RBFA: variants seen among roughly 807,000 people sequenced by gnomAD.
RBFA encodes ribosome binding factor A, also known as putative ribosome-binding factor A, mitochondrial.
A neutral mutation model predicts 27.9 loss-of-function variants in RBFA; 16 were observed. The observed-to-expected ratio is 0.57, with a 90% CI of 0.39 to 0.87. RBFA has a LOEUF of 0.87. Among genes scored for constraint, RBFA ranks in the 40% least tolerant of loss-of-function variants. The probability of loss-of-function intolerance (pLI) is 0.00; values close to 1 mark genes in which losing one functional copy is unlikely to be tolerated. For missense variants in RBFA, 456 were observed against 432.1 expected (o/e 1.06, Z -0.49); for synonymous variants, 181 against 181.0 (o/e 1.00, Z 0.00).
In RBFA at chr18:80,045,828, T is replaced by C. The variant is rs1175728266; in HGVS notation, c.705T>C (p.Ser235=). 1 of 1,535,652 alleles carries C rather than the reference T, an allele frequency of 6.5e-7. No homozygotes were observed. The highest frequency in any genetic ancestry group is 1.4e-5 in the African/African-American group (1 of 72,160). ...CCACAGAGCCGACCACAAGCTCCAGTCTGTGTGGGATCGATCATGAGGCGC... is the reference window on the plus strand; with the variant it reads ...CCACAGAGCCGACCACAAGCTCCAGCCTGTGTGGGATCGATCATGAGGCGC... ...CGTTEPTTSS[S]LCGIDHEALN... Residue 235 remains serine, a synonymous_variant, in exon 7 of 7, where the codon AGT becomes AGC. Transcript: ENST00000306735.
chr18:80,046,263 C>A lies in RBFA; in HGVS notation c.*108C>A. The A allele has an allele frequency of 1.6e-6, 2 of 1,238,126 alleles. No homozygotes were observed. Among genetic ancestry groups the A allele is most frequent in the Non-Finnish European group, 2.2e-6 (2 of 902,776 alleles). 76.7% of individuals were successfully genotyped at this position (1,238,126 alleles called of 1,614,324 possible). A position where few individuals can be genotyped will look rare whatever the true frequency, so the allele number is the denominator to read the frequency against. On this transcript the variant is annotated 3_prime_UTR_variant, in exon 7 of 7. Coordinates refer to ENST00000306735, the MANE Select transcript of RBFA (RefSeq NM_024805.3). The stretch of plus-strand genomic sequence containing the variant: ...TGGAGTTAAACCATCTGCTCTTCTG[C>A]TACTTCAACATTTTCTAGCTTTTCC...
intron 4 of RBFA, among the ~76,000 whole-genome samples, chr18:80,040,697 T>TA (rs1233254525): frequency 6.6e-6 from 1 of 152,058 alleles, no homozygotes; most frequent in Non-Finnish European, 1.5e-5. Flanking sequence ...TATATATATA[T>TA]TTTTTGTTAA....
At position 80,046,272 on chromosome 18, in the gene RBFA, C is replaced by A; in HGVS notation, c.*117C>A. ...ACCATCTGCTCTTCTGCTACTTCAA[C>A]ATTTTCTAGCTTTTCCGTGTATCTA... On this transcript the variant is annotated 3_prime_UTR_variant, in exon 7 of 7. Transcript: ENST00000306735. 8.5e-7 allele frequency: 1 copy of A among 1,175,588 alleles called. No homozygotes were observed. Among genetic ancestry groups the A allele is most frequent in the Non-Finnish European group, 1.2e-6 (1 of 847,850 alleles). 72.8% of individuals were successfully genotyped at this position (1,175,588 alleles called of 1,614,324 possible). A position where few individuals can be genotyped will look rare whatever the true frequency, so the allele number is the denominator to read the frequency against.
intron 6 of RBFA, 117 bp from the exon 7 acceptor site, chr18:80,045,657 G>T: frequency 8.2e-7 from 1 of 1,219,756 alleles, no homozygotes. Flanking sequence ...TAGACGTTTG[G>T]GAGGGTTCTC....
chr18:80,049,034 T>A lies in RBFA; in HGVS notation c.*2879T>A, dbSNP rs2052077744. ...TCAGTGCCTCCTAGAAAGAGGAGTGTGGGCACGTTTCAGAGAAAACTGGCT... is the reference window on the plus strand; with the variant it reads ...TCAGTGCCTCCTAGAAAGAGGAGTGAGGGCACGTTTCAGAGAAAACTGGCT... On this transcript the variant is annotated 3_prime_UTR_variant, in exon 7 of 7. Coordinates refer to ENST00000306735, the MANE Select transcript of RBFA (RefSeq NM_024805.3). Among the ~76,000 whole-genome samples the A allele has an allele frequency of 6.6e-6, 1 of 152,234 alleles. No homozygotes were observed. Among genetic ancestry groups the A allele is most frequent in the Non-Finnish European group, 1.5e-5 (1 of 68,038 alleles).
chr18:80,050,288 G>C lies in RBFA; in HGVS notation c.*4133G>C, dbSNP rs904727931. On this transcript the variant is annotated 3_prime_UTR_variant, in exon 7 of 7. Coordinates refer to ENST00000306735, the MANE Select transcript of RBFA (RefSeq NM_024805.3). ...GGTTCCTGGTTTGTGACACAGGAAGGGAGGGAACTGGGGAGGACAGGTCAT... is the reference window on the plus strand; with the variant it reads ...GGTTCCTGGTTTGTGACACAGGAAGCGAGGGAACTGGGGAGGACAGGTCAT... 5.3e-5 allele frequency among the ~76,000 whole-genome samples: 8 copies of C among 152,124 alleles called. No individual in the cohort carries two copies. The highest frequency in any genetic ancestry group is 1.2e-4 in the Non-Finnish European group (8 of 68,016).
At chr18:80,040,646 A>G (rs1253441402) in intron 4 of RBFA, among the ~76,000 whole-genome samples, 3 of 152,166 alleles carry the variant, frequency 2.0e-5, no homozygotes, top group Non-Finnish European at 4.4e-5. Context: ...GCAAATACAT[A>G]AACAATTCCA....
At chr18:80,043,675 G>A (rs1272994002) in intron 5 of RBFA, among the ~76,000 whole-genome samples, 5 of 152,220 alleles carry the variant, frequency 3.3e-5, no homozygotes, top group East Asian at 1.9e-4. Context: ...GGCAGGGTTC[G>A]GGTGGAATGC....
intron 5 of RBFA, among the ~76,000 whole-genome samples, chr18:80,043,263 C>G (rs912111226): frequency 3.9e-5 from 6 of 152,174 alleles, no homozygotes; most frequent in Non-Finnish European, 8.8e-5. Context: ...CAGTATAGGA[C>G]CAGACAGCAT....
At position 80,045,903 on chromosome 18, in the gene RBFA, G is replaced by A; in HGVS notation, c.780G>A (p.Gly260=). 1 of 1,613,258 alleles carries A rather than the reference G, an allele frequency of 6.2e-7. No individual in the cohort carries two copies. Among genetic ancestry groups the A allele is most frequent in the South Asian group, 1.1e-5 (1 of 90,978 alleles). ...AAAGGAGGAAAGATAAAGGGCTCGGGGGCCTGGTGTGGCAGGGGCAGGTGG... is the reference window on the plus strand; with the variant it reads ...AAAGGAGGAAAGATAAAGGGCTCGGAGGCCTGGTGTGGCAGGGGCAGGTGG... The part of the protein sequence containing the change: ...EYKRRKDKGL[G]GLVWQGQVAE... The change falls in exon 7 of 7, where the codon GGG becomes GGA. Residue 260 remains glycine (G), a synonymous_variant. Coordinates refer to ENST00000306735, the MANE Select transcript of RBFA (RefSeq NM_024805.3).
chr18:80,046,232 A>C lies in RBFA; in HGVS notation c.*77A>C. 1 of 1,476,318 alleles carries C rather than the reference A, an allele frequency of 6.8e-7. No individual in the cohort carries two copies. The highest frequency in any genetic ancestry group is 1.3e-5 in the South Asian group (1 of 74,490). The allele number at this position is 1,476,318 out of a possible 1,614,324, so 91.5% of individuals were successfully genotyped here. A position where few individuals can be genotyped will look rare whatever the true frequency, so the allele number is the denominator to read the frequency against. ...ACGCAGCATGTGGCTTCATTGAGGCAGTTGATGGAGTTAAACCATCTGCTC... is the reference window on the plus strand; with the variant it reads ...ACGCAGCATGTGGCTTCATTGAGGCCGTTGATGGAGTTAAACCATCTGCTC... On this transcript the variant is annotated 3_prime_UTR_variant, in exon 7 of 7. Coordinates refer to ENST00000306735, the MANE Select transcript of RBFA (RefSeq NM_024805.3).
At position 80,049,834 on chromosome 18, in the gene RBFA, A is replaced by C. The variant is rs909013911; in HGVS notation, c.*3679A>C. On this transcript the variant is annotated 3_prime_UTR_variant, in exon 7 of 7. Coordinates refer to ENST00000306735, the MANE Select transcript of RBFA (RefSeq NM_024805.3). The stretch of plus-strand genomic sequence containing the variant: ...CCCAACATCCAGCACAATGCCTCTC[A>C]GCCTTGGCTGTGCATCTGAAACACC... Among the ~76,000 whole-genome samples the C allele has an allele frequency of 3.3e-5, 5 of 152,234 alleles. No homozygotes were observed. The highest frequency in any genetic ancestry group is 5.9e-5 in the Non-Finnish European group (4 of 68,042).
In RBFA at chr18:80,045,947, T is replaced by C; in HGVS notation, c.824T>C (p.Met275Thr). The change falls in exon 7 of 7, where the codon ATG (methionine) becomes ACG (threonine). Residue 275 changes from methionine to threonine, a missense_variant. Transcript: ENST00000306735. Reference sequence around the variant, plus strand: ...CAGGTGGCTGAGCTGACAACGCAGATGAAAAAGGGAAGGAAGAGGGCCAAG... The same window carrying C: ...CAGGTGGCTGAGCTGACAACGCAGACGAAAAAGGGAAGGAAGAGGGCCAAG... Reference protein sequence around the residue: ...QGQVAELTTQMKKGRKRAKPR... With the variant: ...QGQVAELTTQTKKGRKRAKPR... The C allele has an allele frequency of 2.2e-5, 35 of 1,613,708 alleles. No individual in the cohort carries two copies. The highest frequency in any genetic ancestry group is 3.0e-5 in the Non-Finnish European group (35 of 1,179,938).
rs2052086243 is a variant in RBFA, at chr18:80,050,127, CTGCCTTGAAGG to C, written c.*3973_*3983del. Among the ~76,000 whole-genome samples, 1 of 152,172 alleles carries C rather than the reference CTGCCTTGAAGG, an allele frequency of 6.6e-6. No individual in the cohort carries two copies. Among genetic ancestry groups the C allele is most frequent in the Non-Finnish European group, 1.5e-5 (1 of 68,032 alleles). On this transcript the variant is annotated 3_prime_UTR_variant, in exon 7 of 7. Transcript: ENST00000306735. ...TTGAGGTACTTTGAAAATTTGCCAGCTGCCTTGAAGGAGAGAGGGCTTGAGTGTATTTTGGG... is the reference window on the plus strand; with the variant it reads ...TTGAGGTACTTTGAAAATTTGCCAGCAGAGAGGGCTTGAGTGTATTTTGGG...
At chr18:80,036,549 T>G (rs1322530500) in intron 1 of RBFA, 119 bp from the exon 2 acceptor site, 1 of 582,822 alleles carries the variant, frequency 1.7e-6, no homozygotes, top group Non-Finnish European at 3.0e-6. Context: ...AGATGTCCAG[T>G]AATGTAACAT....
intron 3 of RBFA, among the ~76,000 whole-genome samples, chr18:80,037,990 G>A (rs1193677424): frequency 6.6e-6 from 1 of 152,226 alleles, no homozygotes; most frequent in Non-Finnish European, 1.5e-5. Context: ...GAGACAGATG[G>A]TGAGTGTCTG....
chr18:80,045,725 A>G, intron 6 of RBFA, 49 bp from the exon 7 acceptor site: 1 of 1,494,192 alleles, frequency 6.7e-7, no homozygotes, highest in Admixed American at 2.3e-5. Flanking sequence ...GACACTGTGG[A>G]CTAGGGGCAT....
chr18:80,045,576 T>C (rs549020182), intron 6 of RBFA, among the ~76,000 whole-genome samples, 198 bp from the exon 7 acceptor site: 8 of 152,144 alleles, frequency 5.3e-5, no homozygotes, highest in Non-Finnish European at 1.0e-4. Flanking sequence ...GCTGGCCGAA[T>C]GCTTCTGACA....
rs1431255459 is a variant in RBFA, at chr18:80,047,074, C to G, written c.*919C>G. 2.0e-5 allele frequency: 3 copies of G among 152,278 alleles called. No individual in the cohort carries two copies. The highest frequency in any genetic ancestry group is 1.3e-4 in the Admixed American group (2 of 15,286). The allele number at this position is 152,278 out of a possible 1,614,324, so 9.4% of individuals were successfully genotyped here. A position where few individuals can be genotyped will look rare whatever the true frequency, so the allele number is the denominator to read the frequency against. On this transcript the variant is annotated 3_prime_UTR_variant, in exon 7 of 7. Transcript: ENST00000306735. ...TCAGGTTCTAAATTCAGAATTCTCT[C>G]AATTCTGTCAGGTTCTGCACTACGA...
Sources: allele counts gnomAD v4.1 joint callset (sites outside exome capture counted in the v4.1 genomes callset), GRCh38; gene constraint gnomAD v4.1.1; transcripts MANE v1.5; gene names NCBI Gene and HGNC (gene_info 2026-07-23, HGNC 2026-07-21).